PDE4D: variants seen among roughly 807,000 people sequenced by gnomAD.
PDE4D encodes the protein 3',5'-cyclic-AMP phosphodiesterase 4D.
A neutral mutation model predicts 87.4 loss-of-function variants in PDE4D; 24 were observed. The observed-to-expected ratio is 0.27, with a 90% CI of 0.20 to 0.39. The LOEUF (loss-of-function observed/expected upper bound fraction) is 0.39, where lower values mean the gene tolerates loss of function less well. Among genes scored for constraint, PDE4D ranks in the 10% least tolerant of loss-of-function variants. The probability of loss-of-function intolerance (pLI) is 1.00; values close to 1 mark genes in which losing one functional copy is unlikely to be tolerated. For synonymous variants in PDE4D, 384 were observed against 383.2 expected (o/e 1.00, Z -0.02); for missense variants, 714 against 1,041.0 (o/e 0.69, Z 4.32).
chr5:59,854,738 C>G (rs1468868493), intron 1 of PDE4D, among the ~76,000 whole-genome samples: 1 of 151,894 alleles, frequency 6.6e-6, no homozygotes, highest in East Asian at 1.9e-4. Flanking sequence ...TACAGTCACC[C>G]TATATAATAG....
chr5:59,051,347 G>A (rs183560174), intron 5 of PDE4D, among the ~76,000 whole-genome samples: 1 of 152,330 alleles, frequency 6.6e-6, no homozygotes, highest in African/African-American at 2.4e-5. Context: ...GCAACAGAGT[G>A]AGACTCTGTC....
chr5:60,069,959 T>C (rs1332666669), intron 2 of PDE4D, among the ~76,000 whole-genome samples: 1 of 152,154 alleles, frequency 6.6e-6, no homozygotes, highest in East Asian at 1.9e-4. Flanking sequence ...GGGCATTGTT[T>C]TCTTAATTTC....
At chr5:60,289,931 C>T (rs1441604075) in intron 1 of PDE4D, among the ~76,000 whole-genome samples, 1 of 152,006 alleles carries the variant, frequency 6.6e-6, no homozygotes, top group South Asian at 2.1e-4. Context: ...TTGATTTTTC[C>T]TAAATTGTTA....
At chr5:60,035,862 G>A (rs1163367364) in intron 2 of PDE4D, among the ~76,000 whole-genome samples, 1 of 152,190 alleles carries the variant, frequency 6.6e-6, no homozygotes, top group Non-Finnish European at 1.5e-5. Context: ...GTCTTAGCAT[G>A]AGAAAGTCTT....
chr5:60,232,840 A>G (rs1583161737), intron 1 of PDE4D, among the ~76,000 whole-genome samples: 1 of 151,950 alleles, frequency 6.6e-6, no homozygotes, highest in East Asian at 1.9e-4. Context: ...AGAGGGTGAG[A>G]CAGACCAAAT....
intron 5 of PDE4D, among the ~76,000 whole-genome samples, chr5:59,073,431 G>A (rs1765167665): frequency 7.6e-6 from 1 of 131,114 alleles, no homozygotes; most frequent in African/African-American, 2.9e-5. Flanking sequence ...AAATATGGCA[G>A]GTACAAAAAT....
intron 1 of PDE4D, among the ~76,000 whole-genome samples, chr5:60,214,886 G>A (rs1306702803): frequency 6.6e-6 from 1 of 152,132 alleles, no homozygotes; most frequent in Non-Finnish European, 1.5e-5. Flanking sequence ...AATACTTAAA[G>A]TTCCATCATC....
chr5:59,040,701 C>G (rs1030293859), intron 5 of PDE4D, among the ~76,000 whole-genome samples: 3 of 152,148 alleles, frequency 2.0e-5, no homozygotes, highest in Non-Finnish European at 4.4e-5. Flanking sequence ...TCCCAAGGGT[C>G]CATTTGATAA....
At chr5:59,192,608 G>GTGCAAGAGCA (rs1726104602) in intron 3 of PDE4D, among the ~76,000 whole-genome samples, 2 of 152,058 alleles carry the variant, frequency 1.3e-5, no homozygotes, top group East Asian at 3.8e-4. Flanking sequence ...TATGATATAG[G>GTGCAAGAGCA]CCTGATTATA....
intron 1 of PDE4D, among the ~76,000 whole-genome samples, chr5:60,512,225 C>G (rs1750608674): frequency 6.6e-6 from 1 of 152,044 alleles, no homozygotes. Context: ...AAAATATATG[C>G]ATATATGCTT....
intron 2 of PDE4D, among the ~76,000 whole-genome samples, chr5:60,100,191 G>C (rs538699040): frequency 6.6e-6 from 1 of 151,970 alleles, no homozygotes; most frequent in South Asian, 2.1e-4. Flanking sequence ...AAAATGGAAG[G>C]AAATTATGTA....
At chr5:59,688,851 G>A (rs1165877597) in intron 1 of PDE4D, among the ~76,000 whole-genome samples, 1 of 151,928 alleles carries the variant, frequency 6.6e-6, no homozygotes, top group Non-Finnish European at 1.5e-5. Context: ...AAAGGGAGAA[G>A]AATCAAATAG....
intron 2 of PDE4D, among the ~76,000 whole-genome samples, chr5:60,124,675 TAAC>T (rs1283480084): frequency 6.6e-6 from 1 of 152,178 alleles, no homozygotes; most frequent in African/African-American, 2.4e-5. Flanking sequence ...ATTTAAGTCT[TAAC>T]TACTATATAT....
intron 1 of PDE4D, among the ~76,000 whole-genome samples, chr5:59,561,813 T>C (rs1388176535): frequency 6.6e-6 from 1 of 151,786 alleles, no homozygotes; most frequent in Non-Finnish European, 1.5e-5. Flanking sequence ...ATGCCTGTAA[T>C]CCCAGCTATT....
chr5:59,501,761 A>C (rs1414833774), intron 1 of PDE4D, among the ~76,000 whole-genome samples: 1 of 152,178 alleles, frequency 6.6e-6, no homozygotes, highest in Non-Finnish European at 1.5e-5. Flanking sequence ...ACCTAACTAC[A>C]CTGGGGAAAG....
intron 5 of PDE4D, among the ~76,000 whole-genome samples, chr5:59,145,943 A>G (rs1446892742): frequency 6.6e-6 from 1 of 152,136 alleles, no homozygotes; most frequent in East Asian, 1.9e-4. Context: ...CCTGGCCAAC[A>G]TGGTGAAACC....
chr5:59,634,389 A>G (rs1302899888), intron 1 of PDE4D, among the ~76,000 whole-genome samples: 3 of 152,224 alleles, frequency 2.0e-5, no homozygotes, highest in African/African-American at 7.2e-5. Context: ...AGTGGACCTA[A>G]TAGACATCTA....
At chr5:60,369,087 C>T (rs1270212696) in intron 1 of PDE4D, among the ~76,000 whole-genome samples, 1 of 151,760 alleles carries the variant, frequency 6.6e-6, no homozygotes, top group African/African-American at 2.4e-5. Context: ...TGTTTGAACC[C>T]CACTCTCCCT....
chr5:59,404,261 C>T (rs181713959), intron 1 of PDE4D, among the ~76,000 whole-genome samples: 44 of 152,264 alleles, frequency 2.9e-4, no homozygotes, highest in African/African-American at 8.9e-4. Context: ...TGTCTCCTCA[C>T]CTTGTTGACT....
Sources: gnomAD v4.1 joint callset for allele counts (sites outside exome capture counted in the v4.1 genomes callset) on GRCh38, gnomAD v4.1.1 for gene constraint, MANE v1.5 for transcripts, NCBI Gene and HGNC (gene_info 2026-07-23, HGNC 2026-07-21) for gene names.